The following DOCK1 variants were observed in gnomAD, a reference collection of about 807,000 sequenced individuals.
DOCK1 encodes dedicator of cytokinesis protein 1.
A neutral mutation model predicts 262.7 loss-of-function variants in DOCK1; 138 were observed. The ratio of observed to expected loss-of-function variants is 0.53; its 90% confidence interval spans 0.46 to 0.61. The LOEUF is 0.61. DOCK1 is among the 20% of genes least tolerant of loss of function. DOCK1 has a pLI of 0.00. For missense variants in DOCK1, 1,908 were observed against 2,370.7 expected, an observed-to-expected ratio of 0.80 and a Z score of 4.05; for synonymous variants, 866 against 867.4, an observed-to-expected ratio of 1.00 and a Z score of 0.03.
intron 27 of DOCK1, among the ~76,000 whole-genome samples, chr10:127,182,459 G>A (rs1369591329): frequency 6.6e-6 from 1 of 152,006 alleles, no homozygotes; most frequent in African/African-American, 2.4e-5. Context: ...CCAGGGAATG[G>A]CCCTCTTAAA....
At chr10:127,383,482 G>A (rs772910429) in intron 37 of DOCK1, among the ~76,000 whole-genome samples, 4 of 152,230 alleles carry the variant, frequency 2.6e-5, no homozygotes, top group African/African-American at 7.2e-5. Flanking sequence ...TTGTGATGGA[G>A]ATATGCAAGT....
At chr10:127,163,661 A>G (rs760647161) in intron 27 of DOCK1, among the ~76,000 whole-genome samples, 1 of 152,178 alleles carries the variant, frequency 6.6e-6, no homozygotes, top group Non-Finnish European at 1.5e-5. Flanking sequence ...AATAGTATTC[A>G]TATTAGCCCA....
At chr10:127,426,147 C>T (rs1192174304) in intron 47 of DOCK1, 136 bp downstream of exon 47, 10 of 1,457,002 alleles carry the variant, frequency 6.9e-6, no homozygotes, top group African/African-American at 1.4e-5. Flanking sequence ...TGTGAGGGAG[C>T]TCAGCCCCCT....
intron 27 of DOCK1, among the ~76,000 whole-genome samples, chr10:127,155,618 C>T (rs949784342): frequency 5.3e-5 from 8 of 152,152 alleles, no homozygotes; most frequent in African/African-American, 1.9e-4. Context: ...GTAGTCCTTA[C>T]CCCTTTCCTC....
chr10:127,397,731 C>A (rs114491696), intron 38 of DOCK1, among the ~76,000 whole-genome samples: 3 of 92,254 alleles, frequency 3.3e-5, no homozygotes, highest in African/African-American at 1.2e-4. Flanking sequence ...CTGTGTGACC[C>A]GGGCAGCGAC....
At chr10:127,067,796 T>G (rs1402117769) in intron 23 of DOCK1, among the ~76,000 whole-genome samples, 3 of 152,128 alleles carry the variant, frequency 2.0e-5, no homozygotes, top group Non-Finnish European at 4.4e-5. Context: ...CTTAGTTTAT[T>G]ATGAAAATAT....
intron 29 of DOCK1, among the ~76,000 whole-genome samples, chr10:127,270,437 C>T (rs1394174675): frequency 6.6e-6 from 1 of 152,092 alleles, no homozygotes; most frequent in African/African-American, 2.4e-5. Context: ...ACATTCTTCC[C>T]ATTCTATTGA....
intron 1 of DOCK1, among the ~76,000 whole-genome samples, chr10:126,934,901 G>T (rs2034462607): frequency 6.6e-6 from 1 of 152,122 alleles, no homozygotes; most frequent in African/African-American, 2.4e-5. Flanking sequence ...CGGGTCATGA[G>T]GTCAGGAGAC....
chr10:126,941,516 G>A (rs2034981228), intron 1 of DOCK1, among the ~76,000 whole-genome samples: 1 of 152,164 alleles, frequency 6.6e-6, no homozygotes, highest in Non-Finnish European at 1.5e-5. Context: ...CAGCACTGTG[G>A]GAGGCCAAGG....
rs972199859 is a variant in DOCK1, at chr10:127,446,408, A to T, written c.5414-986A>T. On this transcript the variant is annotated intron_variant, in intron 50 of 51. Transcript: ENST00000623213. The surrounding 1 kb of genome is among the most constrained non-coding windows in gnomAD (Gnocchi z 4.4). ...TGGTGATGGTTATCCCCCACGGTCG[A>T]TGTGATTAATGCCACCAAATTGTCC... 6.6e-6 allele frequency among the ~76,000 whole-genome samples: 1 copy of T among 152,178 alleles called. No homozygotes were observed. Among genetic ancestry groups the T allele is most frequent in the Non-Finnish European group, 1.5e-5 (1 of 68,030 alleles).
intron 27 of DOCK1, among the ~76,000 whole-genome samples, chr10:127,218,672 T>G (rs955383306): frequency 6.6e-6 from 1 of 152,130 alleles, no homozygotes; most frequent in Admixed American, 6.5e-5. Flanking sequence ...GTCTCTTACC[T>G]TTTTTTCCCT....
intron 23 of DOCK1, among the ~76,000 whole-genome samples, chr10:127,062,790 G>T (rs1276324333): frequency 1.3e-5 from 2 of 152,234 alleles, no homozygotes; most frequent in Non-Finnish European, 2.9e-5. Context: ...ATTTCTCAGG[G>T]TGTCCATGCC....
chr10:127,014,181 A>G (rs1407679959), intron 12 of DOCK1, among the ~76,000 whole-genome samples: 3 of 152,254 alleles, frequency 2.0e-5, no homozygotes, highest in Non-Finnish European at 1.5e-5. Context: ...CTGAATATTT[A>G]ATCCAAATTA....
chr10:127,098,387 T>C (rs181504996), intron 23 of DOCK1, among the ~76,000 whole-genome samples: 10 of 152,292 alleles, frequency 6.6e-5, no homozygotes, highest in Non-Finnish European at 1.0e-4. Context: ...ATGTGCACGC[T>C]GAGGAGGTTT....
At chr10:127,304,671 G>GC (rs1469516492) in intron 29 of DOCK1, among the ~76,000 whole-genome samples, 1 of 152,082 alleles carries the variant, frequency 6.6e-6, no homozygotes, top group Non-Finnish European at 1.5e-5. Flanking sequence ...GCTTGCTTGA[G>GC]CCCAGGTGTT....
chr10:127,195,530 C>CG (rs936117967), intron 27 of DOCK1, among the ~76,000 whole-genome samples: 6 of 152,158 alleles, frequency 3.9e-5, no homozygotes, highest in Non-Finnish European at 8.8e-5. Flanking sequence ...TCATCCCCCC[C>CG]CCGAAGTTAA....
chr10:127,271,262 T>C (rs2060558082), intron 29 of DOCK1, among the ~76,000 whole-genome samples: 1 of 152,206 alleles, frequency 6.6e-6, no homozygotes, highest in Admixed American at 6.5e-5. Flanking sequence ...GCTTGCTATG[T>C]GGAAGCTTCA....
At chr10:126,959,243 G>A (rs1397677246) in intron 1 of DOCK1, among the ~76,000 whole-genome samples, 1 of 152,104 alleles carries the variant, frequency 6.6e-6, no homozygotes, top group Non-Finnish European at 1.5e-5. Flanking sequence ...TCTTTTTAGG[G>A]TCTGGAATAA....
At chr10:127,049,665 G>A (rs2044583026) in intron 21 of DOCK1, among the ~76,000 whole-genome samples, 1 of 151,848 alleles carries the variant, frequency 6.6e-6, no homozygotes, top group Non-Finnish European at 1.5e-5. Flanking sequence ...TTGCTTGAAT[G>A]TTTATTTCAA....
Sources: gnomAD v4.1 joint callset for allele counts (sites outside exome capture counted in the v4.1 genomes callset) on GRCh38, gnomAD v4.1.1 for gene constraint, Gnocchi (gnomAD v3.1) non-coding constraint, MANE v1.5 for transcripts, NCBI Gene and HGNC (gene_info 2026-07-23, HGNC 2026-07-21) for gene names.